TMEM132D: variants seen among roughly 807,000 people sequenced by gnomAD.
The protein encoded by TMEM132D is transmembrane protein 132D, also known as mature OL transmembrane protein.
A neutral mutation model predicts 62.3 loss-of-function variants in TMEM132D; 21 were observed. The ratio of observed to expected loss-of-function variants is 0.34; its 90% CI spans 0.24 to 0.49. TMEM132D has a LOEUF of 0.49. Ranked by LOEUF, TMEM132D falls within the 20% of genes least tolerant of loss-of-function variation. The pLI, the probability that TMEM132D is intolerant of heterozygous loss-of-function variation, is 0.99. For synonymous variants in TMEM132D, 621 were observed against 575.6 expected, an observed-to-expected ratio of 1.08 and a Z score of -1.13; for missense variants, 1,346 against 1,402.8, an observed-to-expected ratio of 0.96 and a Z score of 0.65.
intron 3 of TMEM132D, among the ~76,000 whole-genome samples, chr12:129,455,154 T>C (rs189322553): frequency 1.8e-4 from 27 of 152,322 alleles, no homozygotes; most frequent in Non-Finnish European, 4.4e-5. Flanking sequence ...GTTCCAGCAT[T>C]ATGAAAGTGT....
intron 5 of TMEM132D, among the ~76,000 whole-genome samples, chr12:129,195,839 T>C (rs1565994147): frequency 6.6e-6 from 1 of 152,122 alleles, no homozygotes; most frequent in Non-Finnish European, 1.5e-5. Flanking sequence ...ATAAAGAGTT[T>C]ACGGGGGCCA....
intron 5 of TMEM132D, among the ~76,000 whole-genome samples, chr12:129,100,966 T>G (rs1875286936): frequency 6.6e-6 from 1 of 151,966 alleles, no homozygotes; most frequent in Non-Finnish European, 1.5e-5. Flanking sequence ...TGGCAGGGAT[T>G]GAAGCTCTGC....
chr12:129,526,143 C>T (rs1241921390), intron 3 of TMEM132D, among the ~76,000 whole-genome samples: 3 of 152,146 alleles, frequency 2.0e-5, no homozygotes, highest in Non-Finnish European at 4.4e-5. Flanking sequence ...CTGCAAATTT[C>T]TAAGGGATCC....
chr12:129,800,210 C>A (rs563759989), intron 1 of TMEM132D, among the ~76,000 whole-genome samples: 68 of 152,218 alleles, frequency 4.5e-4, no homozygotes, highest in African/African-American at 1.6e-3. Flanking sequence ...AAGTAGGGCA[C>A]AAATCTTGCT....
chr12:129,691,559 C>A (rs944037556), intron 2 of TMEM132D, among the ~76,000 whole-genome samples: 40 of 151,982 alleles, frequency 2.6e-4, no homozygotes, highest in African/African-American at 9.2e-4. Context: ...ATTGCACACC[C>A]TGGTGAATAC....
At chr12:129,540,313 C>A (rs78953827) in intron 2 of TMEM132D, among the ~76,000 whole-genome samples, 5,539 of 152,074 alleles carry the variant, frequency 0.036, 327 homozygotes, top group African/African-American at 0.13. Flanking sequence ...TGTGCCAGTG[C>A]GATGGACAGG....
chr12:129,654,818 T>C (rs1880029045), intron 2 of TMEM132D, among the ~76,000 whole-genome samples: 1 of 152,208 alleles, frequency 6.6e-6, no homozygotes, highest in African/African-American at 2.4e-5. Flanking sequence ...TGTGTATATC[T>C]GACAGAAAGG....
At chr12:129,212,336 G>A (rs1472368482) in intron 4 of TMEM132D, 2 of 152,160 alleles carry the variant, frequency 1.3e-5, no homozygotes, top group African/African-American at 4.8e-5. Context: ...TGAGCCTTCA[G>A]GCTTGGTATT....
chr12:129,662,554 G>A (rs985137546), intron 2 of TMEM132D, among the ~76,000 whole-genome samples: 2 of 152,152 alleles, frequency 1.3e-5, no homozygotes, highest in Non-Finnish European at 2.9e-5. Flanking sequence ...CAGCACTTTG[G>A]GAGGCCAAGG....
At chr12:129,809,798 TGA>T (rs1185778789) in intron 1 of TMEM132D, among the ~76,000 whole-genome samples, 1 of 151,984 alleles carries the variant, frequency 6.6e-6, no homozygotes, top group Non-Finnish European at 1.5e-5. Flanking sequence ...AAAGTAGCAA[TGA>T]GAGAGGGTAA....
chr12:129,846,400 A>G (rs934312509), intron 1 of TMEM132D, among the ~76,000 whole-genome samples: 4 of 152,190 alleles, frequency 2.6e-5, no homozygotes, highest in Non-Finnish European at 4.4e-5. Flanking sequence ...TTTAAAGAAT[A>G]TATTTTCTAT....
chr12:129,814,000 A>G (rs1309901528), intron 1 of TMEM132D, among the ~76,000 whole-genome samples: 2 of 152,212 alleles, frequency 1.3e-5, no homozygotes, highest in African/African-American at 4.8e-5. Flanking sequence ...TCTTTTAAAG[A>G]AAATGTTTAG....
intron 2 of TMEM132D, among the ~76,000 whole-genome samples, chr12:129,546,727 G>C (rs1296731474): frequency 6.6e-6 from 1 of 151,932 alleles, no homozygotes; most frequent in Admixed American, 6.6e-5. Context: ...CTTGAACCCA[G>C]GAGGTGGAGG....
intron 2 of TMEM132D, among the ~76,000 whole-genome samples, chr12:129,628,361 C>T (rs1053674564): frequency 6.6e-6 from 1 of 152,158 alleles, no homozygotes; most frequent in Admixed American, 6.5e-5. Flanking sequence ...GGCAATGTCA[C>T]AGGAGGCAGG....
chr12:129,302,332 C>A (rs1375629063), intron 4 of TMEM132D, among the ~76,000 whole-genome samples: 1 of 152,234 alleles, frequency 6.6e-6, no homozygotes, highest in African/African-American at 2.4e-5. Flanking sequence ...CCAGGCTGGT[C>A]TTGAACTCCT....
At chr12:129,726,594 A>G (rs1027624883) in intron 1 of TMEM132D, among the ~76,000 whole-genome samples, 6 of 152,164 alleles carry the variant, frequency 3.9e-5, no homozygotes, top group African/African-American at 1.4e-4. Context: ...GTGATTATAG[A>G]GCCAGAGAGT....
At chr12:129,792,376 G>A (rs1450978747) in intron 1 of TMEM132D, among the ~76,000 whole-genome samples, 2 of 152,132 alleles carry the variant, frequency 1.3e-5, no homozygotes, top group African/African-American at 2.4e-5. Flanking sequence ...GGATCAATGT[G>A]TATGTACCCG....
intron 3 of TMEM132D, among the ~76,000 whole-genome samples, chr12:129,404,888 A>G (rs1871734339): frequency 6.6e-6 from 1 of 152,114 alleles, no homozygotes. Context: ...TCCAAACCCC[A>G]TCAGGAAGCT....
chr12:129,896,600 CCATAAA>C (rs1452071920), intron 1 of TMEM132D, among the ~76,000 whole-genome samples: 3 of 152,140 alleles, frequency 2.0e-5, no homozygotes, highest in East Asian at 3.9e-4. Flanking sequence ...AGGGAGATTC[CCATAAA>C]CATAAACATT....
Sources: allele counts gnomAD v4.1 joint callset (sites outside exome capture counted in the v4.1 genomes callset), GRCh38; gene constraint gnomAD v4.1.1; transcripts MANE v1.5; gene names NCBI Gene and HGNC (gene_info 2026-07-23, HGNC 2026-07-21).